Variants in DDI2 observed in about 807,000 individuals in gnomAD.
DDI2 encodes DDI proteasomal shuttling factor 2.
A neutral mutation model predicts 48.1 loss-of-function variants in DDI2; 5 were observed. That is an observed-to-expected ratio of 0.10 (90% CI 0.05 to 0.22). The LOEUF is 0.22. Among genes scored for constraint, DDI2 ranks in the 10% least tolerant of loss-of-function variants. The pLI is 1.00. For synonymous variants in DDI2, 205 were observed against 183.6 expected (o/e 1.12, Z -0.94); for missense variants, 285 against 506.2 (o/e 0.56, Z 4.19).
chr1:15,654,234 T>C (rs1640235434), intron 8 of DDI2, among the ~76,000 whole-genome samples: 1 of 152,206 alleles, frequency 6.6e-6, no homozygotes, highest in Non-Finnish European at 1.5e-5. Flanking sequence ...TGCCACTGTT[T>C]TACTGGAGAA....
chr1:15,660,134 CAGACCAG>C lies in DDI2; in HGVS notation c.*347_*353del, dbSNP rs1485600745. 1 of 1,614,220 alleles carries C rather than the reference CAGACCAG, an allele frequency of 6.2e-7. No individual in the cohort carries two copies. Among genetic ancestry groups the C allele is most frequent in the Non-Finnish European group, 8.5e-7 (1 of 1,180,034 alleles). On this transcript the variant is annotated 3_prime_UTR_variant, in exon 10 of 10. Transcript: ENST00000480945. ...GCTTCCTCAGCAGACCATGCTCCAA[CAGACCAG>C]AGTCCAGCTATGCCTATGCAGAATT...
Position 15,668,797 on chromosome 1 carries a change from C to G in DDI2, c.*9007C>G, listed in dbSNP as rs1012364466. 1 of 152,144 alleles carries G rather than the reference C, an allele frequency of 6.6e-6. No homozygotes were observed. The highest frequency in any genetic ancestry group is 2.4e-5 in the African/African-American group (1 of 41,436). The allele number at this position is 152,144 out of a possible 1,614,324, so 9.4% of individuals were successfully genotyped here. A position where few individuals can be genotyped will look rare whatever the true frequency, so the allele number is the denominator to read the frequency against. The stretch of plus-strand genomic sequence containing the variant: ...GGAAAACTCTGAGAACTTAAGGGAA[C>G]CAAACTCAGGAATCCCAAAATTGGT... On this transcript the variant is annotated 3_prime_UTR_variant, in exon 10 of 10. Coordinates refer to ENST00000480945, the MANE Select transcript of DDI2 (RefSeq NM_032341.5).
At chr1:15,621,378 C>T (rs1297560957) in intron 1 of DDI2, among the ~76,000 whole-genome samples, 1 of 151,878 alleles carries the variant, frequency 6.6e-6, no homozygotes, top group Non-Finnish European at 1.5e-5. Flanking sequence ...GGTTTGTAAA[C>T]CACTATTTTA....
In DDI2 at chr1:15,664,610, C is replaced by A. The variant is rs1248094952; in HGVS notation, c.*4820C>A. 1.3e-5 allele frequency: 2 copies of A among 152,116 alleles called. No individual in the cohort carries two copies. The allele number at this position is 152,116 out of a possible 1,614,324, so 9.4% of individuals were successfully genotyped here. ...AATTATGGGTTAACTTCTAAGAATA[C>A]CATCAAATCCCTGTGAATTCTGGTT... On this transcript the variant is annotated 3_prime_UTR_variant, in exon 10 of 10. Coordinates refer to ENST00000480945, the MANE Select transcript of DDI2 (RefSeq NM_032341.5).
At chr1:15,648,848 A>AAC (rs1640131165) in intron 6 of DDI2, among the ~76,000 whole-genome samples, 1 of 151,294 alleles carries the variant, frequency 6.6e-6, no homozygotes, top group Non-Finnish European at 1.5e-5. Context: ...AAAAAAAAAA[A>AAC]AAAACAACCC....
intron 4 of DDI2, 95 bp downstream of exon 4, chr1:15,633,660 A>G: frequency 6.4e-7 from 1 of 1,567,162 alleles, no homozygotes; most frequent in South Asian, 1.1e-5. Context: ...GCTTGGAGGT[A>G]GCTTCTCTGT....
chr1:15,630,953 C>G (rs914359213), intron 3 of DDI2, among the ~76,000 whole-genome samples: 2 of 152,212 alleles, frequency 1.3e-5, no homozygotes, highest in Non-Finnish European at 2.9e-5. Flanking sequence ...ATGCCATTCT[C>G]CTGCCTCAGC....
chr1:15,627,147 T>G (rs1639770251), intron 2 of DDI2: 1 of 189,768 alleles, frequency 5.3e-6, no homozygotes, highest in South Asian at 1.4e-4. Context: ...TACATAAGCC[T>G]ATGATTTTGC....
intron 7 of DDI2, among the ~76,000 whole-genome samples, chr1:15,651,324 A>C (rs1178915223): frequency 6.6e-6 from 1 of 152,204 alleles, no homozygotes; most frequent in Non-Finnish European, 1.5e-5. Flanking sequence ...ATACACAAAA[A>C]AGGAAGTTAG....
intron 8 of DDI2, among the ~76,000 whole-genome samples, chr1:15,653,298 CAG>C (rs1640222533): frequency 6.6e-6 from 1 of 151,328 alleles, no homozygotes; most frequent in Non-Finnish European, 1.5e-5. Flanking sequence ...TTTATATAGA[CAG>C]AGTCTTGCTC....
Position 15,661,145 on chromosome 1 carries a change from CAG to C in DDI2, c.*1357_*1358del, listed in dbSNP as rs1230246712. Reference sequence around the variant, plus strand: ...CAGGCCATATCTGTATCAGTGGAGACAGAAAAATTAACAGGTACTTCATCTGA... The same window carrying C: ...CAGGCCATATCTGTATCAGTGGAGACAAAAATTAACAGGTACTTCATCTGA... On this transcript the variant is annotated 3_prime_UTR_variant, in exon 10 of 10. Coordinates refer to ENST00000480945, the MANE Select transcript of DDI2 (RefSeq NM_032341.5). The C allele has an allele frequency of 6.2e-7, 1 of 1,613,958 alleles. No homozygotes were observed. Among genetic ancestry groups the C allele is most frequent in the Non-Finnish European group, 8.5e-7 (1 of 1,179,976 alleles).
intron 2 of DDI2, among the ~76,000 whole-genome samples, chr1:15,628,159 A>T (rs1399201617): frequency 2.0e-5 from 3 of 152,102 alleles, no homozygotes; most frequent in Non-Finnish European, 4.4e-5. Context: ...GTTTTTGAGA[A>T]TTATTCTGAA....
chr1:15,620,226 C>T (rs1264844274), intron 1 of DDI2, among the ~76,000 whole-genome samples: 1 of 152,068 alleles, frequency 6.6e-6, no homozygotes, highest in Admixed American at 6.5e-5. Flanking sequence ...CCAGTCTGTT[C>T]TGTTGGCTCC....
intron 8 of DDI2, 26 bp downstream of exon 8, chr1:15,651,921 A>C (rs370512154): frequency 6.2e-7 from 1 of 1,602,732 alleles, no homozygotes; most frequent in South Asian, 1.1e-5. Flanking sequence ...AAACTCTTCA[A>C]TACTTGTTAT....
chr1:15,649,965 T>C (rs1570986202), intron 7 of DDI2, 142 bp downstream of exon 7: 1 of 736,112 alleles, frequency 1.4e-6, no homozygotes, highest in South Asian at 2.1e-5. Flanking sequence ...ATTATGTTGC[T>C]ATACAGAGGT....
In DDI2 at chr1:15,661,707, C is replaced by G. The variant is rs118187152; in HGVS notation, c.*1917C>G. ...TTCTTGTTTTGCTCGCAAAAAACAT[C>G]GTAGTTCCTACATGACTGTGGGAAA... On this transcript the variant is annotated 3_prime_UTR_variant, in exon 10 of 10. Transcript: ENST00000480945. 6.2e-7 allele frequency: 1 copy of G among 1,610,388 alleles called. No individual in the cohort carries two copies. The highest frequency in any genetic ancestry group is 1.7e-5 in the Admixed American group (1 of 59,804).
chr1:15,658,005 A>G (rs986316094), intron 9 of DDI2, among the ~76,000 whole-genome samples: 1 of 152,154 alleles, frequency 6.6e-6, no homozygotes, highest in African/African-American at 2.4e-5. Context: ...AGCCTTTTGA[A>G]TATAACTGCT....
intron 1 of DDI2, among the ~76,000 whole-genome samples, chr1:15,621,530 G>A (rs1639664704): frequency 6.6e-6 from 1 of 152,004 alleles, no homozygotes; most frequent in South Asian, 2.1e-4. Context: ...GACTACAGGT[G>A]TATGCTACGA....
At chr1:15,657,183 A>G (rs1163772095) in intron 9 of DDI2, among the ~76,000 whole-genome samples, 1 of 152,224 alleles carries the variant, frequency 6.6e-6, no homozygotes, top group African/African-American at 2.4e-5. Flanking sequence ...AACAACAGGA[A>G]CTAAGACTTT....
Sources: allele counts gnomAD v4.1 joint callset (sites outside exome capture counted in the v4.1 genomes callset), GRCh38; gene constraint gnomAD v4.1.1; transcripts MANE v1.5; gene names NCBI Gene and HGNC (gene_info 2026-07-23, HGNC 2026-07-21).